Variants in TENM3 observed in about 807,000 individuals in gnomAD.
TENM3 encodes teneurin-3.
TENM3 carries 63 observed loss-of-function variants against 255.1 expected under a neutral mutation model. The ratio of observed to expected loss-of-function variants is 0.25; its 90% CI spans 0.20 to 0.30. The LOEUF is 0.30. Among genes scored for constraint, TENM3 ranks in the 10% least tolerant of loss-of-function variants. The pLI is 1.00. For missense variants in TENM3, 2,929 were observed against 3,461.1 expected (o/e 0.85, Z 3.86); for synonymous variants, 1,306 against 1,322.3 (o/e 0.99, Z 0.27).
the TENM3 span, among the ~76,000 whole-genome samples, chr4:182,100,544 T>C: frequency 6.2e-3 from 841 of 134,812 alleles, 31 homozygotes; most frequent in African/African-American, 0.024. Flanking sequence ...CATATATATA[T>C]ACACACACAT....
chr4:182,544,985 T>C (rs1430074863), intron 3 of TENM3, among the ~76,000 whole-genome samples: 3 of 152,222 alleles, frequency 2.0e-5, no homozygotes, highest in Non-Finnish European at 4.4e-5. Context: ...CAGTAGATAT[T>C]GAAAACGTAC....
chr4:182,578,014 T>C (rs1031826575), intron 3 of TENM3, among the ~76,000 whole-genome samples: 2 of 152,008 alleles, frequency 1.3e-5, no homozygotes, highest in Non-Finnish European at 2.9e-5. Context: ...TCTTGCTGTG[T>C]TGCCCAGGCT....
the TENM3 span, among the ~76,000 whole-genome samples, chr4:181,527,456 C>T: frequency 1.3e-5 from 2 of 151,976 alleles, no homozygotes; most frequent in Non-Finnish European, 2.9e-5. Context: ...GCAACCTCTG[C>T]CTGCCAGGTT....
the TENM3 span, among the ~76,000 whole-genome samples, chr4:181,786,864 A>G: frequency 6.6e-6 from 1 of 152,046 alleles, no homozygotes; most frequent in Non-Finnish European, 1.5e-5. Context: ...TTGGGGGTAG[A>G]GCTTGCTGAG....
chr4:182,022,961 T>C, the TENM3 span, among the ~76,000 whole-genome samples: 2 of 152,222 alleles, frequency 1.3e-5, no homozygotes, highest in Non-Finnish European at 1.5e-5. Context: ...GCTTATTTTT[T>C]TCAAATATAA....
At chr4:181,845,302 T>C in the TENM3 span, among the ~76,000 whole-genome samples, 1 of 152,204 alleles carries the variant, frequency 6.6e-6, no homozygotes, top group African/African-American at 2.4e-5. Context: ...AATTATGAAA[T>C]GTTAAGTGAT....
rs1013397657 is a variant in TENM3, at chr4:182,560,883, T to C, written c.512-40041T>C. Among the ~76,000 whole-genome samples the C allele has an allele frequency of 4.6e-5, 7 of 152,226 alleles. No homozygotes were observed. In the East Asian group the frequency reaches 1.3e-3, roughly 29 times the overall value. On this transcript the variant is annotated intron_variant, in intron 3 of 27. Transcript: ENST00000511685. The stretch of plus-strand genomic sequence containing the variant: ...ACAACTCCTCAGAGAAGACAAATGT[T>C]TTAGAGATAGTCTCTATTTGGTGTA...
intron 5 of TENM3, among the ~76,000 whole-genome samples, chr4:182,650,112 A>G (rs1435773150): frequency 6.6e-6 from 1 of 150,634 alleles, no homozygotes; most frequent in Admixed American, 6.6e-5. Context: ...GATAATACCA[A>G]TGAAGTACTA....
the TENM3 span, among the ~76,000 whole-genome samples, chr4:181,506,536 A>G: frequency 1.3e-5 from 2 of 152,236 alleles, no homozygotes; most frequent in African/African-American, 2.4e-5. Context: ...AAGTCAAGGG[A>G]TGGGGAAAAC....
chr4:181,778,834 C>T, the TENM3 span, among the ~76,000 whole-genome samples: 1 of 152,102 alleles, frequency 6.6e-6, no homozygotes. Context: ...TGGAATTTCG[C>T]CCTCAGGTTG....
chr4:182,096,374 G>T, the TENM3 span, among the ~76,000 whole-genome samples: 2 of 152,130 alleles, frequency 1.3e-5, no homozygotes, highest in East Asian at 3.9e-4. Context: ...GATAGGAACC[G>T]ATTTATCTTC....
intron 4 of TENM3, among the ~76,000 whole-genome samples, chr4:182,603,283 A>G (rs983972556): frequency 7.2e-5 from 11 of 152,200 alleles, no homozygotes; most frequent in South Asian, 4.1e-4. Context: ...TGAATCATCA[A>G]TGGAATTAAT....
chr4:182,069,686 A>AACACACACACACACAC, the TENM3 span, among the ~76,000 whole-genome samples: 1,980 of 149,508 alleles, frequency 0.013, 43 homozygotes, highest in African/African-American at 0.044. Flanking sequence ...TAGATGCATA[A>AACACACACACACACAC]ACACACACAC....
intron 1 of TENM3, among the ~76,000 whole-genome samples, chr4:182,304,196 T>G (rs1419613654): frequency 1.3e-5 from 2 of 152,002 alleles, no homozygotes; most frequent in African/African-American, 4.8e-5. Context: ...GACAATATTA[T>G]ATTATCTTTT....
the TENM3 span, among the ~76,000 whole-genome samples, chr4:182,006,490 C>T: frequency 6.6e-6 from 1 of 152,076 alleles, no homozygotes; most frequent in Non-Finnish European, 1.5e-5. Flanking sequence ...TACATTTCTT[C>T]TAGATTTTCT....
chr4:182,472,041 T>C (rs1383611586), intron 3 of TENM3, among the ~76,000 whole-genome samples: 3 of 151,858 alleles, frequency 2.0e-5, no homozygotes, highest in Non-Finnish European at 2.9e-5. Context: ...GAGTGGACTC[T>C]TGAATTTCAA....
At chr4:182,418,192 T>C (rs1222169495) in intron 3 of TENM3, among the ~76,000 whole-genome samples, 1 of 152,166 alleles carries the variant, frequency 6.6e-6, no homozygotes, top group African/African-American at 2.4e-5. Flanking sequence ...AATTCGAATA[T>C]ATTGCAGGTT....
the TENM3 span, among the ~76,000 whole-genome samples, chr4:181,600,577 T>G: frequency 6.6e-6 from 1 of 151,646 alleles, no homozygotes; most frequent in South Asian, 2.1e-4. Flanking sequence ...CCTAAGTACC[T>G]CTCAAAACTG....
chr4:181,643,548 T>C, the TENM3 span, among the ~76,000 whole-genome samples: 6 of 152,110 alleles, frequency 3.9e-5, no homozygotes, highest in Non-Finnish European at 8.8e-5. Context: ...TGCTAGTTGG[T>C]TGATGGCTCT....
Sources: allele counts gnomAD v4.1 joint callset (sites outside exome capture counted in the v4.1 genomes callset), GRCh38; gene constraint gnomAD v4.1.1; transcripts MANE v1.5; gene names NCBI Gene and HGNC (gene_info 2026-07-23, HGNC 2026-07-21).